The following ABCA4 variants were observed in gnomAD, a reference collection of about 807,000 sequenced individuals.
The protein encoded by ABCA4 is retinal-specific phospholipid-transporting ATPase ABCA4.
Under a neutral mutation model 263.7 loss-of-function variants are expected in ABCA4, and 196 were observed. The ratio of observed to expected loss-of-function variants is 0.74; its 90% CI spans 0.66 to 0.84. The LOEUF is 0.84. Ranked by LOEUF, ABCA4 falls within the 40% of genes least tolerant of loss-of-function variation. The pLI is 0.00. For synonymous variants in ABCA4, 1,133 were observed against 1,094.2 expected (o/e 1.04, Z -0.70); for missense variants, 2,792 against 2,855.1 (o/e 0.98, Z 0.50).
chr1:94,002,595 G>A (rs1659222611), intron 44 of ABCA4, among the ~76,000 whole-genome samples: 1 of 152,224 alleles, frequency 6.6e-6, no homozygotes, highest in Non-Finnish European at 1.5e-5. Flanking sequence ...ACATGCGCAG[G>A]AGGGGATCTA....
rs146567465 is a variant in ABCA4 at position 94,037,322 on chromosome 1, A to T, written c.3636T>A (p.Val1212=). 7.2e-5 allele frequency: 117 copies of T among 1,614,184 alleles called. No homozygotes were observed. The African/African-American group carries it at 1.3e-3, about 18-fold the overall frequency. ...DGDVNELMDV[V]LHHVPEAKLV... ...GCTTTGCCTCTGGAACATGGTGGAG[A>T]ACTACATCCATCAGCTCATTTACAT... The change falls in exon 25 of 50, where the codon GTT becomes GTA. Residue 1212 remains valine (V), a synonymous_variant. Coordinates refer to ENST00000370225, the MANE Select transcript of ABCA4 (RefSeq NM_000350.3).
rs1372951577 is a variant in ABCA4 at position 94,000,856 on chromosome 1, G to C, written c.6459C>G (p.Thr2153=). The change falls in exon 47 of 50, where the codon ACC becomes ACG. Residue 2153 remains threonine, a synonymous_variant. Coordinates refer to ENST00000370225, the MANE Select transcript of ABCA4 (RefSeq NM_000350.3). ...MVKGAFRCMG[T]IQHLKSKFGD... is the part of the protein sequence containing the mutation. ...CTTACTTGGACTTGAGATGCTGAAT[G>C]GTGCCCATACATCGAAAGGCGCCCT... 1.7e-5 allele frequency: 28 copies of C among 1,614,192 alleles called. No individual in the cohort carries two copies. Among genetic ancestry groups the C allele is most frequent in the Non-Finnish European group, 2.3e-5 (27 of 1,180,024 alleles).
chr1:94,028,732 C>T (rs1660103715), intron 30 of ABCA4, among the ~76,000 whole-genome samples: 1 of 151,758 alleles, frequency 6.6e-6, no homozygotes, highest in Admixed American at 6.6e-5. Context: ...CATGGTAAAA[C>T]CCCATCTGTA....
At chr1:94,049,489 T>C (rs1660776643) in intron 17 of ABCA4, among the ~76,000 whole-genome samples, 1 of 152,004 alleles carries the variant, frequency 6.6e-6, no homozygotes, top group African/African-American at 2.4e-5. Flanking sequence ...CCGGGTGGGG[T>C]GGCGCTCACC....
At chr1:94,116,804 T>C (rs1391129808) in intron 1 of ABCA4, among the ~76,000 whole-genome samples, 3 of 152,026 alleles carry the variant, frequency 2.0e-5, no homozygotes, top group African/African-American at 4.8e-5. Flanking sequence ...CAGCTCAGAC[T>C]CCCCCTACCC....
Position 94,060,684 on chromosome 1 carries a change from C to T in ABCA4, c.2013G>A (p.Val671=). Residue 671 remains valine, a synonymous_variant, in exon 14 of 50, where the codon GTG becomes GTA. Coordinates refer to ENST00000370225, the MANE Select transcript of ABCA4 (RefSeq NM_000350.3). ...ACTCCTTCTCCAAGACGATGCTCTT[C>T]ACAGTCATGGAGACAGAGTAGATCC... The part of the protein sequence containing the change: ...LAWIYSVSMT[V]KSIVLEKELR... The T allele has an allele frequency of 6.2e-7, 1 of 1,614,140 alleles. No homozygotes were observed. Among genetic ancestry groups the T allele is most frequent in the South Asian group, 1.1e-5 (1 of 91,056 alleles).
chr1:94,079,530 G>A lies in ABCA4; in HGVS notation c.1100-69C>T, dbSNP rs1226057863. ...CTTGTAACTCAATATAGTCATTAGT[G>A]TATCCACATCACATGTCTCATTCAA... On this transcript the variant is annotated intron_variant, in intron 8 of 49. Transcript: ENST00000370225. The A allele has an allele frequency of 4.4e-6, 7 of 1,603,536 alleles. No individual in the cohort carries two copies. The South Asian group carries it at 7.7e-5, about 18-fold the overall frequency.
At chr1:94,095,613 T>G (rs1662104946) in intron 6 of ABCA4, among the ~76,000 whole-genome samples, 1 of 151,848 alleles carries the variant, frequency 6.6e-6, no homozygotes, top group African/African-American at 2.4e-5. Flanking sequence ...TGCCTGATGC[T>G]CCTTTCAGAG....
intron 32 of ABCA4, among the ~76,000 whole-genome samples, chr1:94,022,778 G>A (rs1426058781): frequency 6.6e-6 from 1 of 152,110 alleles, no homozygotes; most frequent in South Asian, 2.1e-4. Context: ...TGTCTCAGCC[G>A]AGGCCCCACA....
chr1:94,091,196 A>G (rs1661957273), intron 6 of ABCA4, among the ~76,000 whole-genome samples: 1 of 152,188 alleles, frequency 6.6e-6, no homozygotes, highest in Non-Finnish European at 1.5e-5. Context: ...TAATAATTTA[A>G]TAATATTCCT....
chr1:94,035,542 T>A (rs750861239), intron 26 of ABCA4, among the ~76,000 whole-genome samples: 1 of 152,146 alleles, frequency 6.6e-6, no homozygotes, highest in African/African-American at 2.4e-5. Flanking sequence ...TGAAGAAAGA[T>A]GAAAACCAAG....
intron 26 of ABCA4, 140 bp from the exon 27 acceptor site, chr1:94,032,183 A>G (rs1042873853): frequency 9.8e-6 from 10 of 1,025,262 alleles, no homozygotes; most frequent in Non-Finnish European, 1.4e-5. Context: ...TAGCTTAATC[A>G]TCTTTATAAA....
At chr1:94,019,175 C>T (rs1659825418) in intron 36 of ABCA4, among the ~76,000 whole-genome samples, 1 of 151,698 alleles carries the variant, frequency 6.6e-6, no homozygotes, top group Non-Finnish European at 1.5e-5. Flanking sequence ...AAAGTTTTAC[C>T]TTTACCCTTT....
chr1:94,095,109 C>A (rs940553784), intron 6 of ABCA4, among the ~76,000 whole-genome samples: 1 of 152,128 alleles, frequency 6.6e-6, no homozygotes, highest in Admixed American at 6.5e-5. Context: ...TGAGCGTGTG[C>A]GATAGTGTGC....
chr1:94,087,808 GT>G (rs1488566465), intron 6 of ABCA4, among the ~76,000 whole-genome samples: 5 of 152,326 alleles, frequency 3.3e-5, no homozygotes, highest in South Asian at 4.1e-4. Context: ...TATGTATTGA[GT>G]GTCTGCTATT....
intron 11 of ABCA4, among the ~76,000 whole-genome samples, chr1:94,070,133 A>C (rs4612636): frequency 0.052 from 7,980 of 152,268 alleles, 329 homozygotes; most frequent in Non-Finnish European, 0.072. Flanking sequence ...AACATCTGCT[A>C]ATCAACAGAG....
chr1:94,011,974 G>A, intron 38 of ABCA4, among the ~76,000 whole-genome samples: 1 of 152,198 alleles, frequency 6.6e-6, no homozygotes, highest in East Asian at 1.9e-4. Flanking sequence ...CATTGTCTAG[G>A]GAGAGGAGGG....
At chr1:94,011,479 A>T in intron 38 of ABCA4, 94 bp from the exon 39 acceptor site, 2 of 1,590,122 alleles carry the variant, frequency 1.3e-6, no homozygotes, top group South Asian at 2.2e-5. Context: ...AGGACAGCAC[A>T]GGGCAAGGCC....
At position 94,063,250 on chromosome 1, in the gene ABCA4, A is replaced by G. The variant is rs61751392; in HGVS notation, c.1622T>C (p.Leu541Pro). The G allele has an allele frequency of 1.3e-4, 210 of 1,614,014 alleles. No individual in the cohort carries two copies. Among genetic ancestry groups the G allele is most frequent in the Non-Finnish European group, 1.4e-4 (164 of 1,180,018 alleles). ...GGCCCAGAACATGTTTTCCTCCAGT[A>G]GAGAGAGGGCACGTTGGGTGAGCTG... ...ETQLTQRALS[L>P]LEENMFWAGV... The change falls in exon 12 of 50, where the codon CTA becomes CCA. Residue 541 changes from leucine (L) to proline (P), a missense_variant. Transcript: ENST00000370225.
Sources: gnomAD v4.1 joint callset for allele counts (sites outside exome capture counted in the v4.1 genomes callset) on GRCh38, gnomAD v4.1.1 for gene constraint, MANE v1.5 for transcripts, NCBI Gene and HGNC (gene_info 2026-07-23, HGNC 2026-07-21) for gene names.